The following NREP variants were observed in gnomAD, a reference collection of about 807,000 sequenced individuals.
NREP encodes the protein neuronal regeneration-related protein.
In NREP, 5 loss-of-function variants were observed where a neutral mutation model predicts 8.6. The observed-to-expected ratio is 0.58, with a 90% CI of 0.30 to 1.22. NREP has a LOEUF of 1.22. NREP is among the 50% of genes most tolerant of loss of function. NREP has a pLI of 0.07. For synonymous variants in NREP, 27 were observed against 28.0 expected (o/e 0.96, Z 0.11); for missense variants, 86 against 82.5 (o/e 1.04, Z -0.17).
intron 2 of NREP, among the ~76,000 whole-genome samples, chr5:111,890,536 T>G (rs1754369039): frequency 6.6e-6 from 1 of 152,178 alleles, no homozygotes. Flanking sequence ...TAGAGGTTCT[T>G]GTGACAGCCC....
intron 3 of NREP, chr5:111,734,782 C>T (rs1365672429): frequency 2.9e-6 from 2 of 690,980 alleles, no homozygotes; most frequent in Admixed American, 4.1e-5. Flanking sequence ...AGTATACTCT[C>T]CCCGCTTGAA....
chr5:111,772,992 G>C (rs1191421504), intron 2 of NREP, among the ~76,000 whole-genome samples: 1 of 152,060 alleles, frequency 6.6e-6, no homozygotes, highest in Non-Finnish European at 1.5e-5. Context: ...TTTCAACTAA[G>C]TCAACATAGT....
At chr5:111,851,299 AT>A in intron 2 of NREP, among the ~76,000 whole-genome samples, 1 of 152,188 alleles carries the variant, frequency 6.6e-6, no homozygotes. Flanking sequence ...AATCCTGCTC[AT>A]TTTTATGACG....
chr5:111,971,685 A>T (rs545069238), intron 2 of NREP, among the ~76,000 whole-genome samples: 1 of 152,322 alleles, frequency 6.6e-6, no homozygotes, highest in Non-Finnish European at 1.5e-5. Context: ...AGAAGAATGA[A>T]ATTAGACCCT....
intron 2 of NREP, among the ~76,000 whole-genome samples, chr5:111,934,507 T>A (rs1755628491): frequency 6.6e-6 from 1 of 152,098 alleles, no homozygotes; most frequent in Admixed American, 6.6e-5. Flanking sequence ...AAAATGGGGA[T>A]ACTCAGTTAC....
At chr5:111,931,304 G>T (rs567595892) in intron 2 of NREP, among the ~76,000 whole-genome samples, 42 of 152,034 alleles carry the variant, frequency 2.8e-4, no homozygotes, top group Non-Finnish European at 5.4e-4. Flanking sequence ...CAACTGCAGA[G>T]GCTAAGCCAT....
In NREP at chr5:111,746,622, G is replaced by T. The variant is rs79648169; in HGVS notation, c.3+9148C>A. Among the ~76,000 whole-genome samples the T allele has an allele frequency of 2.2e-3, 333 of 152,228 alleles. 6 individuals carry two copies. In the East Asian group the frequency reaches 0.039, roughly 18 times the overall value. ...CATATTTACTAAGTACATTCTGCAG[G>T]TATTGAATATTTCATAGGCAGTTTT... On this transcript the variant is annotated intron_variant, in intron 2 of 3. Transcript: ENST00000257435.
At chr5:111,797,100 GATA>G (rs1751890312) in intron 2 of NREP, among the ~76,000 whole-genome samples, 1 of 151,182 alleles carries the variant, frequency 6.6e-6, no homozygotes, top group Non-Finnish European at 1.5e-5. Context: ...TAGATAGATA[GATA>G]GATAGATATT....
At chr5:111,750,988 G>A (rs924832493) in intron 2 of NREP, among the ~76,000 whole-genome samples, 2 of 151,920 alleles carry the variant, frequency 1.3e-5, no homozygotes, top group Non-Finnish European at 2.9e-5. Flanking sequence ...CATTCATTTC[G>A]GCTTCCTACC....
chr5:111,846,419 G>GTTTTTTTTTT (rs1753168991), intron 2 of NREP: 2 of 37,744 alleles, frequency 5.3e-5, no homozygotes, highest in South Asian at 8.2e-4. Flanking sequence ...CTTTTTGTTT[G>GTTTTTTTTTT]CTTTTTTTTT....
At chr5:111,880,941 G>C (rs934190984) in intron 2 of NREP, among the ~76,000 whole-genome samples, 3 of 152,132 alleles carry the variant, frequency 2.0e-5, no homozygotes, top group Non-Finnish European at 2.9e-5. Context: ...GAGGTACCGG[G>C]TTCATCTCAC....
chr5:111,823,451 T>C (rs1752553577), intron 2 of NREP, among the ~76,000 whole-genome samples: 1 of 152,210 alleles, frequency 6.6e-6, no homozygotes, highest in Non-Finnish European at 1.5e-5. Context: ...TTAACTTTAA[T>C]TAAAGTACTC....
chr5:111,870,182 C>A (rs548276671), intron 2 of NREP, among the ~76,000 whole-genome samples: 1 of 152,306 alleles, frequency 6.6e-6, no homozygotes, highest in South Asian at 2.1e-4. Context: ...GTAAACCCAG[C>A]ACTTTGGGAG....
At chr5:111,827,092 C>T (rs1752646213) in intron 2 of NREP, among the ~76,000 whole-genome samples, 1 of 152,286 alleles carries the variant, frequency 6.6e-6, no homozygotes, top group Admixed American at 6.5e-5. Context: ...TTTTCTTAAA[C>T]ACTAATTTTG....
At chr5:111,956,775 C>T (rs1345949837) in intron 2 of NREP, among the ~76,000 whole-genome samples, 1 of 151,788 alleles carries the variant, frequency 6.6e-6, no homozygotes, top group Non-Finnish European at 1.5e-5. Flanking sequence ...ATCAGCCTGG[C>T]CAATGTGGCG....
At chr5:111,974,608 T>C (rs1002503925) in intron 2 of NREP, 2 of 152,242 alleles carry the variant, frequency 1.3e-5, no homozygotes, top group African/African-American at 4.8e-5. Flanking sequence ...TATGTTCCAA[T>C]ATACATCCTC....
intron 1 of NREP, among the ~76,000 whole-genome samples, chr5:111,976,244 G>A (rs1269546193): frequency 6.6e-6 from 1 of 152,164 alleles, no homozygotes; most frequent in African/African-American, 2.4e-5. Flanking sequence ...AAAACTATAG[G>A]TAGAAGCATG....
At chr5:111,777,782 T>C (rs977123243) in intron 2 of NREP, among the ~76,000 whole-genome samples, 1 of 152,124 alleles carries the variant, frequency 6.6e-6, no homozygotes, top group Non-Finnish European at 1.5e-5. Context: ...ACAAGGGAAA[T>C]GTATCACAGT....
chr5:111,856,395 C>T (rs186062605), intron 2 of NREP, among the ~76,000 whole-genome samples: 4 of 152,194 alleles, frequency 2.6e-5, no homozygotes, highest in African/African-American at 9.6e-5. Flanking sequence ...ACACAATAAG[C>T]GACCTAAACA....
Sources: allele counts gnomAD v4.1 joint callset (sites outside exome capture counted in the v4.1 genomes callset), GRCh38; gene constraint gnomAD v4.1.1; transcripts MANE v1.5; gene names NCBI Gene and HGNC (gene_info 2026-07-23, HGNC 2026-07-21).